Variants in DPP10 observed in about 807,000 individuals in gnomAD.
DPP10 encodes dipeptidyl peptidase like 10.
A neutral mutation model predicts 120.9 loss-of-function variants in DPP10; 33 were observed. The observed-to-expected ratio is 0.27, with a 90% CI of 0.21 to 0.37. The LOEUF (loss-of-function observed/expected upper bound fraction) is 0.37, where lower values mean the gene tolerates loss of function less well. Ranked by LOEUF, DPP10 falls within the 10% of genes least tolerant of loss-of-function variation. DPP10 has a pLI of 1.00. For synonymous variants in DPP10, 337 were observed against 326.1 expected (o/e 1.03, Z -0.36); for missense variants, 816 against 942.8 (o/e 0.87, Z 1.76).
chr2:114,970,036 C>A (rs905462886), intron 1 of DPP10, among the ~76,000 whole-genome samples: 1 of 151,950 alleles, frequency 6.6e-6, no homozygotes, highest in Non-Finnish European at 1.5e-5. Context: ...TTTATCCTAC[C>A]CTAGGTATGG....
chr2:115,785,748 T>C (rs1683266211), intron 17 of DPP10, among the ~76,000 whole-genome samples: 1 of 152,096 alleles, frequency 6.6e-6, no homozygotes. Context: ...TATGTAGCAG[T>C]CTATTAATTG....
chr2:114,958,356 C>T (rs1263243526), intron 1 of DPP10, among the ~76,000 whole-genome samples: 1 of 152,122 alleles, frequency 6.6e-6, no homozygotes, highest in African/African-American at 2.4e-5. Context: ...GGTTCAGCCA[C>T]AAGGACTCAA....
At chr2:115,556,192 A>T (rs1009379843) in intron 5 of DPP10, among the ~76,000 whole-genome samples, 1 of 152,008 alleles carries the variant, frequency 6.6e-6, no homozygotes, top group Admixed American at 6.6e-5. Flanking sequence ...TAATAGCCAG[A>T]TACTTTTTAT....
intron 1 of DPP10, among the ~76,000 whole-genome samples, chr2:114,593,194 C>G (rs767722919): frequency 2.0e-5 from 3 of 151,672 alleles, no homozygotes; most frequent in Admixed American, 6.6e-5. Context: ...AGTTTAGGAA[C>G]AAGAAAAAAA....
chr2:114,609,241 G>A (rs1486950242), intron 1 of DPP10, among the ~76,000 whole-genome samples: 1 of 152,234 alleles, frequency 6.6e-6, no homozygotes, highest in Admixed American at 6.5e-5. Context: ...ATCAATGGAA[G>A]CATATTTCTC....
At chr2:114,822,380 G>A (rs1686170267) in intron 1 of DPP10, among the ~76,000 whole-genome samples, 1 of 152,090 alleles carries the variant, frequency 6.6e-6, no homozygotes, top group Non-Finnish European at 1.5e-5. Context: ...ACACAGCAGG[G>A]GGCCCAGGGC....
At chr2:115,688,674 T>A (rs543108918) in intron 5 of DPP10, among the ~76,000 whole-genome samples, 369 of 152,300 alleles carry the variant, frequency 2.4e-3, no homozygotes, top group Middle Eastern at 0.01. Context: ...TTTTCCTAAT[T>A]TCCTCTGTAT....
At chr2:114,906,122 T>C in intron 1 of DPP10, among the ~76,000 whole-genome samples, 2 of 152,156 alleles carry the variant, frequency 1.3e-5, no homozygotes, top group East Asian at 3.9e-4. Context: ...CTCACACCTG[T>C]AATCCCAGCA....
intron 1 of DPP10, chr2:114,833,263 C>A (rs567658445): frequency 4.4e-4 from 62 of 141,852 alleles, no homozygotes; most frequent in Non-Finnish European, 8.4e-4. Flanking sequence ...GATTATACAG[C>A]CAATATGAGT....
chr2:115,731,571 G>A (rs919186813), intron 8 of DPP10, among the ~76,000 whole-genome samples: 2 of 152,132 alleles, frequency 1.3e-5, no homozygotes, highest in Non-Finnish European at 1.5e-5. Flanking sequence ...GAGAGGATCA[G>A]TGATTTAGAC....
intron 1 of DPP10, among the ~76,000 whole-genome samples, chr2:114,990,736 T>A (rs1403848234): frequency 6.6e-6 from 1 of 152,206 alleles, no homozygotes; most frequent in African/African-American, 2.4e-5. Flanking sequence ...ACAGACACCC[T>A]TTGAAGTTAA....
chr2:114,528,080 C>A (rs181353857), intron 1 of DPP10, among the ~76,000 whole-genome samples: 1 of 151,936 alleles, frequency 6.6e-6, no homozygotes, highest in Non-Finnish European at 1.5e-5. Flanking sequence ...TACTTGAAGA[C>A]GGAAAGAGGA....
intron 3 of DPP10, among the ~76,000 whole-genome samples, chr2:115,477,833 A>C (rs2075186841): frequency 6.6e-6 from 1 of 152,178 alleles, no homozygotes; most frequent in Non-Finnish European, 1.5e-5. Flanking sequence ...ATATAAAGAC[A>C]TACCTGAGGC....
At chr2:114,940,255 G>A (rs1014903705) in intron 1 of DPP10, among the ~76,000 whole-genome samples, 14 of 152,140 alleles carry the variant, frequency 9.2e-5, no homozygotes, top group Non-Finnish European at 2.9e-5. Context: ...CTCAGAAATT[G>A]CTCTATTACA....
chr2:114,865,522 C>A (rs1344051902), intron 1 of DPP10, among the ~76,000 whole-genome samples: 2 of 152,196 alleles, frequency 1.3e-5, no homozygotes, highest in Admixed American at 6.5e-5. Context: ...CATTCTTAAT[C>A]TCTTCATTGT....
chr2:114,476,605 T>C (rs1301519741), intron 1 of DPP10, among the ~76,000 whole-genome samples: 1 of 152,232 alleles, frequency 6.6e-6, no homozygotes, highest in East Asian at 1.9e-4. Context: ...TTCTTGTGTT[T>C]ACATTTATAT....
At chr2:115,253,734 G>C (rs751305522) in intron 1 of DPP10, among the ~76,000 whole-genome samples, 1 of 152,224 alleles carries the variant, frequency 6.6e-6, no homozygotes, top group Non-Finnish European at 1.5e-5. Context: ...CAAGGGCTTG[G>C]ACAGCTCCAC....
intron 3 of DPP10, among the ~76,000 whole-genome samples, chr2:115,426,365 T>C (rs1272928641): frequency 8.4e-6 from 1 of 119,164 alleles, no homozygotes; most frequent in Non-Finnish European, 1.7e-5. Context: ...CATTTCAACA[T>C]GAGACTCTCA....
intron 1 of DPP10, among the ~76,000 whole-genome samples, chr2:114,993,097 T>C (rs562918476): frequency 3.3e-4 from 50 of 152,316 alleles, no homozygotes; most frequent in Non-Finnish European, 4.6e-4. Flanking sequence ...TTCTCCCTTG[T>C]TTGTCTGTCA....
Sources: gnomAD v4.1 joint callset for allele counts (sites outside exome capture counted in the v4.1 genomes callset) on GRCh38, gnomAD v4.1.1 for gene constraint, MANE v1.5 for transcripts, NCBI Gene and HGNC (gene_info 2026-07-23, HGNC 2026-07-21) for gene names.